IGSF11: variants seen among roughly 807,000 people sequenced by gnomAD.
IGSF11 encodes immunoglobulin superfamily member 11, also known as CXADR like 1.
In IGSF11, 22 loss-of-function variants were observed where a neutral mutation model predicts 41.0. The observed-to-expected ratio is 0.54, with a 90% CI of 0.38 to 0.77. IGSF11 has a LOEUF of 0.77. Ranked by LOEUF, IGSF11 falls within the 30% of genes least tolerant of loss-of-function variation. The pLI is 0.00. For synonymous variants in IGSF11, 219 were observed against 201.3 expected (o/e 1.09, Z -0.74); for missense variants, 444 against 530.8 (o/e 0.84, Z 1.61).
rs2107562639 is a variant in IGSF11 at position 118,943,218 on chromosome 3, C to T, written c.53-12943G>A. The stretch of plus-strand genomic sequence containing the variant: ...CAGACTGCAGCATATAGAGGGGAGC[C>T]TCAATAATTGATAATTATCACAATG... On this transcript the variant is annotated intron_variant, in intron 1 of 6. Coordinates refer to ENST00000393775, the MANE Select transcript of IGSF11 (RefSeq NM_001015887.3). 2.0e-5 allele frequency: 3 copies of T among 152,214 alleles called. No homozygotes were observed. In the South Asian group the frequency reaches 6.2e-4, roughly 32 times the overall value. The allele number at this position is 152,214 out of a possible 1,614,324, so 9.4% of individuals were successfully genotyped here. A position where few individuals can be genotyped will look rare whatever the true frequency, so the allele number is the denominator to read the frequency against.
intron 1 of IGSF11, among the ~76,000 whole-genome samples, chr3:119,071,727 T>C (rs1364278551): frequency 6.6e-6 from 1 of 152,216 alleles, no homozygotes; most frequent in African/African-American, 2.4e-5. Flanking sequence ...TCTTGATTCC[T>C]TTAGCTTTAT....
intron 1 of IGSF11, among the ~76,000 whole-genome samples, chr3:118,937,667 G>T (rs1370314216): frequency 6.6e-6 from 1 of 152,122 alleles, no homozygotes; most frequent in Non-Finnish European, 1.5e-5. Flanking sequence ...TCACTGCCAA[G>T]CTTCTACTTC....
intron 1 of IGSF11, among the ~76,000 whole-genome samples, chr3:118,958,248 A>T (rs1945098644): frequency 1.3e-5 from 2 of 152,340 alleles, no homozygotes; most frequent in South Asian, 4.1e-4. Context: ...AATGATGAAC[A>T]TCATTACTGT....
At position 118,961,720 on chromosome 3, in the gene IGSF11, T is replaced by C. The variant is rs1945349328; in HGVS notation, c.53-31445A>G. On this transcript the variant is annotated intron_variant, in intron 1 of 6. Transcript: ENST00000393775. ...TCAGACAATAATAGGGTGCACTGTTTGCAATCAACTTAAAAATAATAGTAT... is the reference window on the plus strand; with the variant it reads ...TCAGACAATAATAGGGTGCACTGTTCGCAATCAACTTAAAAATAATAGTAT... Among the ~76,000 whole-genome samples the C allele has an allele frequency of 2.0e-5, 3 of 152,190 alleles. No individual in the cohort carries two copies. The South Asian group carries it at 6.2e-4, about 32-fold the overall frequency.
intron 1 of IGSF11, among the ~76,000 whole-genome samples, chr3:119,136,253 G>T (rs548965658): frequency 6.6e-6 from 1 of 151,432 alleles, no homozygotes; most frequent in African/African-American, 2.4e-5. Context: ...AAAGAAAGAA[G>T]GAAGAGAAGA....
intron 1 of IGSF11, among the ~76,000 whole-genome samples, chr3:119,142,630 CATGGTGGG>C (rs2077664981): frequency 6.6e-6 from 1 of 151,870 alleles, no homozygotes; most frequent in Non-Finnish European, 1.5e-5. Flanking sequence ...ACCACTTATG[CATGGTGGG>C]AGCTCCAGAA....
rs1296499177 is a variant in IGSF11, at chr3:118,952,975, T to C, written c.53-22700A>G. 6.6e-5 allele frequency among the ~76,000 whole-genome samples: 10 copies of C among 152,224 alleles called. No individual in the cohort carries two copies. In the East Asian group the frequency reaches 1.5e-3, roughly 24 times the overall value. On this transcript the variant is annotated intron_variant, in intron 1 of 6. Coordinates refer to ENST00000393775, the MANE Select transcript of IGSF11 (RefSeq NM_001015887.3). ...CATGGATAAGTGCTTTAGTGGTGAT[T>C]TGTGAGATTTTGGTGCACCCATCAC...
At chr3:118,963,071 A>G (rs1945450311) in intron 1 of IGSF11, among the ~76,000 whole-genome samples, 1 of 152,206 alleles carries the variant, frequency 6.6e-6, no homozygotes, top group African/African-American at 2.4e-5. Flanking sequence ...TAGGTGAGCC[A>G]TAGTGGAAAT....
At chr3:118,906,196 T>C (rs945765055) in intron 4 of IGSF11, among the ~76,000 whole-genome samples, 7 of 152,200 alleles carry the variant, frequency 4.6e-5, no homozygotes, top group African/African-American at 7.2e-5. Flanking sequence ...GTTGTTTGTG[T>C]TAGCTCAGAT....
In IGSF11 at chr3:119,049,644, A is replaced by G. The variant is rs1481372960; in HGVS notation, c.49+55500T>C. Among the ~76,000 whole-genome samples, 3 of 152,144 alleles carry G rather than the reference A, an allele frequency of 2.0e-5. No individual in the cohort carries two copies. The East Asian group carries it at 5.8e-4, about 29-fold the overall frequency. Reference sequence around the variant, plus strand: ...GACTTTCTTCACAGAATTGGAAAAAACTACTTTAAAGTTCATATGGAACCT... The same window carrying G: ...GACTTTCTTCACAGAATTGGAAAAAGCTACTTTAAAGTTCATATGGAACCT... On this transcript the variant is annotated intron_variant, in intron 1 of 6. Coordinates refer to the IGSF11 transcript ENST00000354673.
At chr3:118,933,408 T>C (rs1943006909) in intron 1 of IGSF11, among the ~76,000 whole-genome samples, 1 of 151,514 alleles carries the variant, frequency 6.6e-6, no homozygotes, top group African/African-American at 2.4e-5. Context: ...CTAGCTAATA[T>C]TTAGGTCACA....
chr3:118,952,598 C>T (rs1944654879), intron 1 of IGSF11, among the ~76,000 whole-genome samples: 1 of 152,120 alleles, frequency 6.6e-6, no homozygotes, highest in Non-Finnish European at 1.5e-5. Flanking sequence ...TCAATCACAT[C>T]TTCAGGCTCC....
rs914418111 is a variant in IGSF11, at chr3:119,001,720, T to A, written c.52+32811A>T. On this transcript the variant is annotated intron_variant, in intron 1 of 6. Coordinates refer to ENST00000393775, the MANE Select transcript of IGSF11 (RefSeq NM_001015887.3). ...CCCATCTATGAGTGAGAATATGCAG[T>A]GTTTGGTTTTTTGTTCTTGTGATAG... Among the ~76,000 whole-genome samples the A allele has an allele frequency of 4.0e-5, 6 of 149,748 alleles. No individual in the cohort carries two copies. The South Asian group carries it at 1.3e-3, about 32-fold the overall frequency.
upstream of IGSF11, among the ~76,000 whole-genome samples, chr3:119,035,705 C>A (rs1940862924): frequency 1.3e-5 from 2 of 152,186 alleles, no homozygotes; most frequent in Non-Finnish European, 2.9e-5. Flanking sequence ...CTACCTACAT[C>A]TTTTCTTGTA....
chr3:118,926,340 T>C, intron 3 of IGSF11, 84 bp from the exon 4 acceptor site: 1 of 1,138,404 alleles, frequency 8.8e-7, no homozygotes, highest in African/African-American at 1.6e-5. Context: ...TTCAGTACAT[T>C]GGACCCTTAG....
intron 1 of IGSF11, among the ~76,000 whole-genome samples, chr3:119,041,634 G>A (rs1257064224): frequency 6.6e-6 from 1 of 152,082 alleles, no homozygotes; most frequent in Admixed American, 6.6e-5. Context: ...TACATATGCT[G>A]CAGATATTTA....
At chr3:119,026,153 T>C (rs556757553) in intron 1 of IGSF11, among the ~76,000 whole-genome samples, 4 of 152,322 alleles carry the variant, frequency 2.6e-5, no homozygotes, top group African/African-American at 9.6e-5. Context: ...TACTTCTTCA[T>C]TGAGTTTTTA....
intron 1 of IGSF11, among the ~76,000 whole-genome samples, chr3:118,936,932 C>CA (rs1413877319): frequency 6.6e-6 from 1 of 152,206 alleles, no homozygotes; most frequent in Admixed American, 6.5e-5. Context: ...CTACTAGAGT[C>CA]AAATGACATG....
chr3:119,034,922 T>TAGCCG (rs1553718767), upstream of IGSF11: 215 of 877,490 alleles, frequency 2.5e-4, no homozygotes, highest in African/African-American at 3.6e-3. Context: ...GCTCGGCTCC[T>TAGCCG]CGCCGCGCCG....
Sources: allele counts gnomAD v4.1 joint callset (sites outside exome capture counted in the v4.1 genomes callset), GRCh38; gene constraint gnomAD v4.1.1; transcripts MANE v1.5; gene names NCBI Gene and HGNC (gene_info 2026-07-23, HGNC 2026-07-21).